ADAMTSL1: variants seen among roughly 807,000 people sequenced by gnomAD.
ADAMTSL1 encodes ADAMTS like 1, also known as ADAMTS-like protein 1.
In ADAMTSL1, 126 loss-of-function variants were observed where a neutral mutation model predicts 201.8. The ratio of observed to expected loss-of-function variants is 0.62; its 90% CI spans 0.54 to 0.72. The LOEUF is 0.72. Among genes scored for constraint, ADAMTSL1 ranks in the 30% least tolerant of loss-of-function variants. The probability of loss-of-function intolerance (pLI) is 0.00; values close to 1 mark genes in which losing one functional copy is unlikely to be tolerated. For synonymous variants in ADAMTSL1, 1,121 were observed against 903.4 expected (o/e 1.24, Z -4.32); for missense variants, 2,679 against 2,277.8 (o/e 1.18, Z -3.59).
At chr9:18,105,208 G>C (rs976457161) in intron 1 of ADAMTSL1, among the ~76,000 whole-genome samples, 1 of 152,134 alleles carries the variant, frequency 6.6e-6, no homozygotes, top group African/African-American at 2.4e-5. Flanking sequence ...TGTGCTCTCT[G>C]AGTTTCCTTC....
At chr9:18,339,140 G>A (rs751095086) in intron 2 of ADAMTSL1, among the ~76,000 whole-genome samples, 1 of 152,090 alleles carries the variant, frequency 6.6e-6, no homozygotes. Context: ...CTTCTGCACA[G>A]CAAAATAAGC....
intron 2 of ADAMTSL1, among the ~76,000 whole-genome samples, chr9:18,244,571 T>C (rs560044402): frequency 1.9e-4 from 29 of 152,144 alleles, no homozygotes; most frequent in African/African-American, 7.0e-4. Context: ...AAATATATGA[T>C]CCCTCACTCT....
chr9:18,335,440 C>G (rs1489783227), intron 2 of ADAMTSL1, among the ~76,000 whole-genome samples: 1 of 152,012 alleles, frequency 6.6e-6, no homozygotes, highest in African/African-American at 2.4e-5. Flanking sequence ...TGATTCCAAA[C>G]TGGGGAGGCA....
chr9:18,542,330 G>A (rs1046862952), intron 3 of ADAMTSL1, among the ~76,000 whole-genome samples: 10 of 152,114 alleles, frequency 6.6e-5, no homozygotes, highest in African/African-American at 2.4e-4. Flanking sequence ...AATGCACTCA[G>A]CCTGGTACCT....
intron 2 of ADAMTSL1, among the ~76,000 whole-genome samples, chr9:18,308,514 C>T (rs58467045): frequency 0.061 from 9,305 of 152,032 alleles, 889 homozygotes; most frequent in African/African-American, 0.21. Flanking sequence ...ATATCACCAC[C>T]GATCACACAG....
chr9:18,713,199 C>A (rs1006731466), intron 14 of ADAMTSL1, among the ~76,000 whole-genome samples: 3 of 151,174 alleles, frequency 2.0e-5, no homozygotes, highest in Non-Finnish European at 4.4e-5. Context: ...AACTAATGAG[C>A]AAAATAACCA....
intron 1 of ADAMTSL1, among the ~76,000 whole-genome samples, chr9:18,000,996 C>G (rs991054361): frequency 6.6e-6 from 1 of 151,980 alleles, no homozygotes; most frequent in Non-Finnish European, 1.5e-5. Flanking sequence ...GATTGACAAT[C>G]CCATCAGGAC....
chr9:18,388,588 A>C (rs1203117899), intron 2 of ADAMTSL1, among the ~76,000 whole-genome samples: 1 of 148,936 alleles, frequency 6.7e-6, no homozygotes, highest in Non-Finnish European at 1.5e-5. Flanking sequence ...CTTTATATTT[A>C]ACAGAATTTT....
chr9:18,575,702 G>A (rs1179779536), intron 4 of ADAMTSL1, among the ~76,000 whole-genome samples: 5 of 152,110 alleles, frequency 3.3e-5, no homozygotes, highest in Admixed American at 6.6e-5. Flanking sequence ...GTAAAAGCAA[G>A]GAAGATTTCC....
At chr9:18,378,872 A>T (rs1488596455) in intron 2 of ADAMTSL1, among the ~76,000 whole-genome samples, 1 of 152,088 alleles carries the variant, frequency 6.6e-6, no homozygotes, top group Non-Finnish European at 1.5e-5. Flanking sequence ...CAAGACAGGG[A>T]TAGGGAATAA....
At chr9:18,667,965 A>C (rs1407978718) in intron 9 of ADAMTSL1, among the ~76,000 whole-genome samples, 1 of 152,160 alleles carries the variant, frequency 6.6e-6, no homozygotes, top group Non-Finnish European at 1.5e-5. Context: ...CAAGTGTCTG[A>C]TAACCTCTAC....
chr9:18,697,389 GAGTTGC>G (rs1237223907), intron 13 of ADAMTSL1, among the ~76,000 whole-genome samples: 1 of 152,138 alleles, frequency 6.6e-6, no homozygotes, highest in Non-Finnish European at 1.5e-5. Flanking sequence ...TATCTCTATG[GAGTTGC>G]AAAACAGACT....
At chr9:18,373,185 C>T (rs180826151) in intron 2 of ADAMTSL1, among the ~76,000 whole-genome samples, 8 of 152,254 alleles carry the variant, frequency 5.3e-5, no homozygotes, top group African/African-American at 1.9e-4. Context: ...GAAGTCTGAT[C>T]GTTAATCCTT....
At chr9:18,528,102 T>C (rs1464087877) in intron 2 of ADAMTSL1, among the ~76,000 whole-genome samples, 1 of 152,284 alleles carries the variant, frequency 6.6e-6, no homozygotes, top group East Asian at 1.9e-4. Context: ...GGTCTTGAAC[T>C]CCTGACCTCA....
At chr9:18,557,818 T>C (rs1175461628) in intron 3 of ADAMTSL1, among the ~76,000 whole-genome samples, 1 of 152,080 alleles carries the variant, frequency 6.6e-6, no homozygotes, top group Non-Finnish European at 1.5e-5. Context: ...ATTTGCAATC[T>C]ATCAATCTCA....
At chr9:18,176,436 T>A (rs1430539032) in intron 2 of ADAMTSL1, among the ~76,000 whole-genome samples, 1 of 152,212 alleles carries the variant, frequency 6.6e-6, no homozygotes, top group Non-Finnish European at 1.5e-5. Flanking sequence ...ATAATAATTA[T>A]AGTTATTGAC....
At chr9:18,264,049 G>T (rs976178136) in intron 2 of ADAMTSL1, among the ~76,000 whole-genome samples, 5 of 152,064 alleles carry the variant, frequency 3.3e-5, no homozygotes, top group Admixed American at 1.3e-4. Context: ...CTTTAAAAGA[G>T]AACTCATCAG....
intron 1 of ADAMTSL1, among the ~76,000 whole-genome samples, chr9:18,068,838 T>A (rs957206419): frequency 6.6e-6 from 1 of 152,216 alleles, no homozygotes; most frequent in African/African-American, 2.4e-5. Flanking sequence ...TAAGGCAGCA[T>A]GTGAAAGATC....
chr9:18,042,251 T>C (rs1014254979), intron 1 of ADAMTSL1, among the ~76,000 whole-genome samples: 1 of 152,168 alleles, frequency 6.6e-6, no homozygotes, highest in African/African-American at 2.4e-5. Context: ...TTCCAAAGCT[T>C]GATTTAGGGA....
Sources: allele counts gnomAD v4.1 joint callset (sites outside exome capture counted in the v4.1 genomes callset), GRCh38; gene constraint gnomAD v4.1.1; transcripts MANE v1.5; gene names NCBI Gene and HGNC (gene_info 2026-07-23, HGNC 2026-07-21).